The following HMGA2 variants were observed in gnomAD, a reference collection of about 807,000 sequenced individuals.
HMGA2 encodes the protein high mobility group AT-hook 2, also known as high mobility group protein HMGI-C.
A neutral mutation model predicts 19.1 loss-of-function variants in HMGA2; 8 were observed. The ratio of observed to expected loss-of-function variants is 0.42; its 90% CI spans 0.25 to 0.76. HMGA2 has a LOEUF of 0.76. Among genes scored for constraint, HMGA2 ranks in the 30% least tolerant of loss-of-function variants. The probability of loss-of-function intolerance (pLI) is 0.28; values close to 1 mark genes in which losing one functional copy is unlikely to be tolerated. For missense variants in HMGA2, 109 were observed against 136.3 expected, an observed-to-expected ratio of 0.80 and a Z score of 1.00; for synonymous variants, 60 against 48.8, an observed-to-expected ratio of 1.23 and a Z score of -0.96.
At chr12:65,929,490 G>A (rs1043293522) in intron 3 of HMGA2, among the ~76,000 whole-genome samples, 1 of 150,676 alleles carries the variant, frequency 6.6e-6, no homozygotes, top group Non-Finnish European at 1.5e-5. Flanking sequence ...ATGTATATAT[G>A]TAATATATAT....
chr12:65,888,973 C>T (rs891948213), intron 3 of HMGA2, among the ~76,000 whole-genome samples: 4 of 152,042 alleles, frequency 2.6e-5, no homozygotes, highest in African/African-American at 9.7e-5. Context: ...CTCTTTCCAC[C>T]AATAATCAGC....
chr12:65,885,191 C>T (rs578075630), intron 3 of HMGA2, among the ~76,000 whole-genome samples: 11 of 152,160 alleles, frequency 7.2e-5, no homozygotes, highest in African/African-American at 2.6e-4. Flanking sequence ...GATGAAATTA[C>T]AGTCATTGAA....
At chr12:65,903,349 C>G (rs1230496335) in intron 3 of HMGA2, among the ~76,000 whole-genome samples, 1 of 152,018 alleles carries the variant, frequency 6.6e-6, no homozygotes, top group African/African-American at 2.4e-5. Flanking sequence ...AATAAAGGGA[C>G]ATGTAGGATT....
Position 65,848,729 on chromosome 12 carries a change from G to A in HMGA2, c.249+10160G>A, listed in dbSNP as rs562445244. 3.3e-5 allele frequency among the ~76,000 whole-genome samples: 5 copies of A among 152,166 alleles called. No individual in the cohort carries two copies. In the South Asian group the frequency reaches 8.3e-4, roughly 25 times the overall value. On this transcript the variant is annotated intron_variant, in intron 3 of 4. Transcript: ENST00000403681. Reference sequence around the variant, plus strand: ...AAATTAGCCGGGCGCGGTGGCGGGCGCCTGTAGTCCCAGCTACTCGGGAGG... The same window carrying A: ...AAATTAGCCGGGCGCGGTGGCGGGCACCTGTAGTCCCAGCTACTCGGGAGG...
chr12:65,860,019 C>T (rs990734049), intron 3 of HMGA2: 5 of 451,714 alleles, frequency 1.1e-5, no homozygotes, highest in Non-Finnish European at 2.2e-5. Context: ...TTGAGCCTGG[C>T]ATGTCTAGCC....
At chr12:65,904,011 T>A (rs1016852868) in intron 3 of HMGA2, among the ~76,000 whole-genome samples, 1 of 152,208 alleles carries the variant, frequency 6.6e-6, no homozygotes, top group African/African-American at 2.4e-5. Context: ...TAGTAGTAAA[T>A]AACAAAACCA....
At chr12:65,952,709 T>C (rs753985522) in intron 4 of HMGA2, 1 of 268,258 alleles carries the variant, frequency 3.7e-6, no homozygotes, top group Non-Finnish European at 7.0e-6. Flanking sequence ...CCTTTAACTG[T>C]ACAAAAATCA....
intron 3 of HMGA2, among the ~76,000 whole-genome samples, chr12:65,935,326 A>G (rs1397735359): frequency 2.0e-5 from 3 of 152,212 alleles, no homozygotes; most frequent in Admixed American, 6.6e-5. Context: ...AATGTGATCT[A>G]TTAGATGGCT....
intron 4 of HMGA2, 130 bp from the exon 5 acceptor site, chr12:65,963,115 C>A: frequency 1.3e-6 from 1 of 796,704 alleles, no homozygotes. Flanking sequence ...GAGGGCTCGC[C>A]AGTCATCGTC....
At chr12:65,911,668 G>C (rs1243851108) in intron 3 of HMGA2, among the ~76,000 whole-genome samples, 1 of 152,148 alleles carries the variant, frequency 6.6e-6, no homozygotes, top group Non-Finnish European at 1.5e-5. Context: ...TCGGTCATTA[G>C]AATTTTCATC....
At chr12:65,937,375 C>T (rs757114828) in intron 3 of HMGA2, among the ~76,000 whole-genome samples, 5 of 152,020 alleles carry the variant, frequency 3.3e-5, no homozygotes, top group Non-Finnish European at 7.4e-5. Flanking sequence ...ATAGTTATGA[C>T]TGGGCAGCAG....
At chr12:65,916,374 T>A (rs531376170) in intron 3 of HMGA2, among the ~76,000 whole-genome samples, 1 of 152,372 alleles carries the variant, frequency 6.6e-6, no homozygotes, top group East Asian at 1.9e-4. Flanking sequence ...TGTACTGGAC[T>A]GCAGATAGGT....
At chr12:65,873,058 G>T (rs144439496) in intron 3 of HMGA2, among the ~76,000 whole-genome samples, 16 of 152,236 alleles carry the variant, frequency 1.1e-4, no homozygotes, top group Admixed American at 2.6e-4. Flanking sequence ...TTCAAATACG[G>T]TGCCCCCGCC....
intron 3 of HMGA2, among the ~76,000 whole-genome samples, chr12:65,904,467 A>G: frequency 6.6e-6 from 1 of 152,224 alleles, no homozygotes; most frequent in East Asian, 1.9e-4. Flanking sequence ...CACCTTCTCC[A>G]GTTCCTTAGC....
At chr12:65,840,901 C>T (rs1389898633) in intron 3 of HMGA2, among the ~76,000 whole-genome samples, 1 of 152,148 alleles carries the variant, frequency 6.6e-6, no homozygotes, top group African/African-American at 2.4e-5. Flanking sequence ...CTCTCTCAGC[C>T]TTTCATCTCC....
intron 3 of HMGA2, among the ~76,000 whole-genome samples, chr12:65,896,753 T>C (rs1874148808): frequency 6.6e-6 from 1 of 152,246 alleles, no homozygotes; most frequent in African/African-American, 2.4e-5. Flanking sequence ...GTCTGTGTTT[T>C]CTTAATTGAT....
intron 3 of HMGA2, among the ~76,000 whole-genome samples, chr12:65,929,571 C>T (rs181714198): frequency 3.4e-4 from 52 of 151,688 alleles, no homozygotes; most frequent in African/African-American, 1.3e-3. Context: ...TATCCCTAAA[C>T]CCCGAATCCC....
At chr12:65,946,218 A>G (rs1876259006) in intron 3 of HMGA2, among the ~76,000 whole-genome samples, 2 of 152,324 alleles carry the variant, frequency 1.3e-5, no homozygotes, top group African/African-American at 4.8e-5. Context: ...AACAATCTAC[A>G]TGAAAAAAGA....
intron 4 of HMGA2, chr12:65,955,823 C>T (rs1346587113): frequency 1.3e-5 from 2 of 152,306 alleles, no homozygotes; most frequent in Admixed American, 6.5e-5. Context: ...TTGATTATCA[C>T]GGGATTTCTT....
Sources: gnomAD v4.1 joint callset for allele counts (sites outside exome capture counted in the v4.1 genomes callset) on GRCh38, gnomAD v4.1.1 for gene constraint, MANE v1.5 for transcripts, NCBI Gene and HGNC (gene_info 2026-07-23, HGNC 2026-07-21) for gene names.